TLR3: variants seen among roughly 807,000 people sequenced by gnomAD.
TLR3 encodes the protein toll-like receptor 3.
TLR3 carries 43 observed loss-of-function variants against 66.4 expected under a neutral mutation model. That is an observed-to-expected ratio of 0.65 (90% confidence interval 0.51 to 0.83). The LOEUF (loss-of-function observed/expected upper bound fraction) is 0.83. Ranked by LOEUF, TLR3 falls within the 40% of genes least tolerant of loss-of-function variation. The pLI, the probability that TLR3 is intolerant of heterozygous loss-of-function variation, is 0.00. For synonymous variants in TLR3, 397 were observed against 397.2 expected, an observed-to-expected ratio of 1.00 and a Z score of 0.01; for missense variants, 982 against 1,044.6, an observed-to-expected ratio of 0.94 and a Z score of 0.83.
intron 1 of TLR3, among the ~76,000 whole-genome samples, chr4:186,070,693 C>T (rs1379642640): frequency 1.3e-5 from 2 of 151,258 alleles, no homozygotes; most frequent in Non-Finnish European, 2.9e-5. Context: ...TTTTCTTGGC[C>T]TGGTCAAAGG....
At chr4:186,075,880 G>T (rs1045865365) in intron 1 of TLR3, among the ~76,000 whole-genome samples, 6 of 152,102 alleles carry the variant, frequency 3.9e-5, no homozygotes, top group African/African-American at 1.4e-4. Flanking sequence ...AACTGGCTGG[G>T]CACGGTGGCT....
At chr4:186,071,553 C>G (rs2099301476) in intron 1 of TLR3, among the ~76,000 whole-genome samples, 1 of 152,216 alleles carries the variant, frequency 6.6e-6, no homozygotes, top group Admixed American at 6.5e-5. Flanking sequence ...TCAGCAAATG[C>G]ATCCTTGCTG....
In TLR3 at chr4:186,076,981, T is replaced by G; in HGVS notation, c.362T>G (p.Phe121Cys). The change falls in exon 2 of 5, where the codon TTC becomes TGC. Residue 121 changes from phenylalanine to cysteine, a missense_variant. Physicochemically the swap from Phe to Cys is radical, Grantham distance 205. Coordinates refer to ENST00000296795, the MANE Select transcript of TLR3 (RefSeq NM_003265.3). ...LSQLSDKTFAFCTNLTELHLM... is the reference protein window; with the variant it reads ...LSQLSDKTFACCTNLTELHLM... ...CAACTTTCTGATAAAACCTTTGCCT[T>G]CTGCACGAATTTGACTGAACTCCAT... 1 of 1,614,182 alleles carries G rather than the reference T, an allele frequency of 6.2e-7. No individual in the cohort carries two copies. Among genetic ancestry groups the G allele is most frequent in the Non-Finnish European group, 8.5e-7 (1 of 1,180,034 alleles).
chr4:186,071,051 A>T (rs933932730), intron 1 of TLR3, among the ~76,000 whole-genome samples: 7 of 152,176 alleles, frequency 4.6e-5, no homozygotes, highest in African/African-American at 1.7e-4. Context: ...TGGAAAGCTT[A>T]TCTCTATTGT....
At chr4:186,082,217 TCCGTCTCAAAAAAAA>T (rs2099303635) in intron 3 of TLR3, 88 bp from the exon 4 acceptor site, 2 of 699,866 alleles carry the variant, frequency 2.9e-6, no homozygotes, top group Non-Finnish European at 4.2e-6. Flanking sequence ...AGAGCGAGAC[TCCGTCTCAAAAAAAA>T]AAAAAAAAAA....
chr4:186,073,759 TAAG>T (rs2099301934), intron 1 of TLR3, among the ~76,000 whole-genome samples: 1 of 152,074 alleles, frequency 6.6e-6, no homozygotes, highest in African/African-American at 2.4e-5. Context: ...TCATCATAAT[TAAG>T]AAGACATCAG....
At position 186,083,199 on chromosome 4, in the gene TLR3, C is replaced by A; in HGVS notation, c.1513C>A (p.Leu505Ile). ...VDSSPSPFQP[L>I]RNLTILDLSN... is the part of the protein sequence containing the mutation. ...TAGCTCTCCTTCACCATTCCAGCCT[C>A]TTCGTAACTTGACCATTCTGGATCT... Residue 505 changes from leucine (L) to isoleucine (I), a missense_variant, in exon 4 of 5, where the codon CTT becomes ATT. Coordinates refer to ENST00000296795, the MANE Select transcript of TLR3 (RefSeq NM_003265.3). The surrounding 1 kb of genome is among the most constrained non-coding windows in gnomAD (Gnocchi z 4.0). The A allele has an allele frequency of 1.2e-6, 2 of 1,614,228 alleles. No homozygotes were observed. The highest frequency in any genetic ancestry group is 1.1e-5 in the South Asian group (1 of 91,080).
rs1256808156 is a variant in TLR3 at position 186,084,860 on chromosome 4, A to T, written c.2702A>T (p.Asn901Ile). 4 of 1,612,838 alleles carry T rather than the reference A, an allele frequency of 2.5e-6. No homozygotes were observed. Among genetic ancestry groups the T allele is most frequent in the Admixed American group, 1.7e-5 (1 of 59,990 alleles). Reference protein sequence around the residue: ...HKLQVALGSKNSVH With the variant: ...HKLQVALGSKISVH ...TTGCAAGTAGCACTTGGATCCAAAA[A>T]CTCTGTACATTAAATTTATTTAAAT... Residue 901 changes from asparagine (N) to isoleucine (I), a missense_variant, in exon 5 of 5, where the codon AAC becomes ATC. By Grantham distance (149) the Asn-to-Ile change is moderately radical (BLOSUM62 -3). Transcript: ENST00000296795.
chr4:186,076,661 T>A lies in TLR3; in HGVS notation c.42T>A (p.Leu14=). ...CTTGTATCTACTTTTGGGGGGGCCT[T>A]TTGCCCTTTGGGATGCTGTGTGCAT... ...TLPCIYFWGG[L]LPFGMLCASS... is the part of the protein sequence containing the mutation. Residue 14 remains leucine, a synonymous_variant, in exon 2 of 5, where the codon CTT becomes CTA. Coordinates refer to ENST00000296795, the MANE Select transcript of TLR3 (RefSeq NM_003265.3). The A allele has an allele frequency of 1.9e-6, 3 of 1,614,186 alleles. No individual in the cohort carries two copies. Among genetic ancestry groups the A allele is most frequent in the Non-Finnish European group, 2.5e-6 (3 of 1,180,028 alleles).
At chr4:186,075,037 A>C (rs1293911732) in intron 1 of TLR3, among the ~76,000 whole-genome samples, 3 of 152,216 alleles carry the variant, frequency 2.0e-5, no homozygotes, top group Non-Finnish European at 4.4e-5. Flanking sequence ...TAACTTAAAA[A>C]AAAATTAGTA....
chr4:186,080,779 A>T (rs2099303286), intron 3 of TLR3, among the ~76,000 whole-genome samples: 1 of 151,886 alleles, frequency 6.6e-6, no homozygotes, highest in African/African-American at 2.4e-5. Context: ...TTTAGTAGAG[A>T]CAGGATTTCA....
chr4:186,082,147 C>T (rs2099303612), intron 3 of TLR3, 173 bp from the exon 4 acceptor site: 1 of 622,160 alleles, frequency 1.6e-6, no homozygotes, highest in East Asian at 2.9e-5. Context: ...ATTGCTTGAA[C>T]TGAGGAGGTG....
Position 186,071,824 on chromosome 4 carries a change from A to G in TLR3, c.-8+2576A>G, listed in dbSNP as rs770970019. The stretch of plus-strand genomic sequence containing the variant: ...TCACCTAAGGTGATTTTATTACCTG[A>G]CACTTACCTGGAATAATTTTCATGT... On this transcript the variant is annotated intron_variant, in intron 1 of 4. Transcript: ENST00000296795. 8.5e-5 allele frequency among the ~76,000 whole-genome samples: 13 copies of G among 152,348 alleles called. 1 individual carries two copies. Among genetic ancestry groups the G allele is most frequent in the Middle Eastern group, 6.8e-3 (2 of 294 alleles).
chr4:186,075,929 G>A (rs1379343687), intron 1 of TLR3, among the ~76,000 whole-genome samples: 1 of 152,204 alleles, frequency 6.6e-6, no homozygotes, highest in East Asian at 1.9e-4. Context: ...GCTGAAGTGG[G>A]CAGATCATGA....
At position 186,082,737 on chromosome 4, in the gene TLR3, T is replaced by A. The variant is rs1253640511; in HGVS notation, c.1051T>A (p.Phe351Ile). Reference protein sequence around the residue: ...ASLPKIDDFSFQWLKCLEHLN... With the variant: ...ASLPKIDDFSIQWLKCLEHLN... ...ACTCCCCAAGATTGATGATTTTTCT[T>A]TTCAGTGGCTAAAATGTTTGGAGCA... Residue 351 changes from phenylalanine to isoleucine, a missense_variant, in exon 4 of 5, where the codon TTT (phenylalanine) becomes ATT (isoleucine). Phe to Ile is a conservative substitution (Grantham distance 21). This residue lies in a region of TLR3 where 666 missense variants were observed against 709.0 expected (regional missense o/e 0.94). Coordinates refer to ENST00000296795, the MANE Select transcript of TLR3 (RefSeq NM_003265.3). 4.3e-6 allele frequency: 7 copies of A among 1,614,130 alleles called. No homozygotes were observed. The highest frequency in any genetic ancestry group is 1.7e-6 in the Non-Finnish European group (2 of 1,179,988).
intron 3 of TLR3, among the ~76,000 whole-genome samples, chr4:186,080,180 C>T (rs1207035740): frequency 6.6e-6 from 1 of 151,320 alleles, no homozygotes; most frequent in East Asian, 1.9e-4. Flanking sequence ...TCCTTAATTA[C>T]AACTCTATTT....
chr4:186,073,974 AGTCG>A (rs1427247650), intron 1 of TLR3, among the ~76,000 whole-genome samples: 1 of 152,250 alleles, frequency 6.6e-6, no homozygotes, highest in Non-Finnish European at 1.5e-5. Flanking sequence ...AAATATCGTT[AGTCG>A]GCAGGGAAAT....
chr4:186,083,207 C>A lies in TLR3; in HGVS notation c.1521C>A (p.Asn507Lys). The part of the protein sequence containing the change: ...SSPSPFQPLR[N>K]LTILDLSNNN... ...CTTCACCATTCCAGCCTCTTCGTAA[C>A]TTGACCATTCTGGATCTAAGCAACA... is the stretch of plus-strand genomic sequence containing the variant. The change falls in exon 4 of 5, where the codon AAC (asparagine) becomes AAA (lysine). Residue 507 changes from asparagine (N) to lysine (K), a missense_variant. By Grantham distance (94) the Asn-to-Lys change is moderately conservative. This residue lies in a region of TLR3 where 666 missense variants were observed against 709.0 expected (regional missense o/e 0.94). Coordinates refer to ENST00000296795, the MANE Select transcript of TLR3 (RefSeq NM_003265.3). This position sits in a 1 kb window ranked among gnomAD's most constrained non-coding sequence, Gnocchi z 4.0. 1 of 1,614,244 alleles carries A rather than the reference C, an allele frequency of 6.2e-7. No individual in the cohort carries two copies.
chr4:186,086,505 T>C lies in TLR3; in HGVS notation c.*1632T>C, dbSNP rs899431058. ...CACTGTGAATGTGTGGAGGACTAAT[T>C]GTCACTTTCATGTTATTTGCCACCC... On this transcript the variant is annotated 3_prime_UTR_variant, in exon 5 of 5. Transcript: ENST00000296795. 2.0e-5 allele frequency: 3 copies of C among 152,226 alleles called. No individual in the cohort carries two copies. The highest frequency in any genetic ancestry group is 2.0e-4 in the Admixed American group (3 of 15,284). 9.4% of individuals were successfully genotyped at this position (152,226 alleles called of 1,614,324 possible). A position where few individuals can be genotyped will look rare whatever the true frequency, so the allele number is the denominator to read the frequency against.
Sources: gnomAD v4.1 joint callset for allele counts (sites outside exome capture counted in the v4.1 genomes callset) on GRCh38, gnomAD v4.1.1 for gene constraint, gnomAD v4.1.1 regional missense constraint, Gnocchi (gnomAD v3.1) non-coding constraint, MANE v1.5 for transcripts, NCBI Gene and HGNC (gene_info 2026-07-23, HGNC 2026-07-21) for gene names.